Variants in AGBL1 observed in about 807,000 individuals in gnomAD.
AGBL1 encodes cytosolic carboxypeptidase 4.
AGBL1 carries 130 observed loss-of-function variants against 118.9 expected under a neutral mutation model. The observed-to-expected ratio is 1.09, with a 90% CI of 0.95 to 1.26. The LOEUF (loss-of-function observed/expected upper bound fraction) is 1.26, where lower values mean the gene tolerates loss of function less well. AGBL1 is among the 50% of genes most tolerant of loss of function. The pLI is 0.00. For synonymous variants in AGBL1, 555 were observed against 478.9 expected (o/e 1.16, Z -2.08); for missense variants, 1,584 against 1,298.1 (o/e 1.22, Z -3.38).
chr15:86,731,645 C>T (rs543144492), intron 22 of AGBL1, among the ~76,000 whole-genome samples: 1 of 152,154 alleles, frequency 6.6e-6, no homozygotes, highest in Non-Finnish European at 1.5e-5. Context: ...CAACAAGATA[C>T]AAAGATAGAG....
At chr15:86,549,070 T>C (rs2083628703) in intron 20 of AGBL1, among the ~76,000 whole-genome samples, 1 of 152,020 alleles carries the variant, frequency 6.6e-6, no homozygotes, top group Non-Finnish European at 1.5e-5. Flanking sequence ...GCAAAACCAT[T>C]CATGGGAAAT....
At chr15:86,736,442 A>G (rs186850386) in intron 22 of AGBL1, among the ~76,000 whole-genome samples, 24 of 152,230 alleles carry the variant, frequency 1.6e-4, no homozygotes, top group Admixed American at 4.6e-4. Flanking sequence ...GCACTTCTAT[A>G]TAGCATCTCC....
At chr15:87,025,631 C>A (rs184398527) in intron 24 of AGBL1, among the ~76,000 whole-genome samples, 109 of 151,998 alleles carry the variant, frequency 7.2e-4, no homozygotes, top group African/African-American at 2.5e-3. Context: ...TCATTCTTCA[C>A]ACAATTAGAA....
chr15:86,208,771 C>T (rs947563137), intron 5 of AGBL1, among the ~76,000 whole-genome samples: 1 of 152,174 alleles, frequency 6.6e-6, no homozygotes, highest in Non-Finnish European at 1.5e-5. Context: ...AAAAAAACAG[C>T]TCCTGGATTC....
At chr15:86,356,359 C>CGT (rs1266733085) in intron 17 of AGBL1, among the ~76,000 whole-genome samples, 1 of 123,616 alleles carries the variant, frequency 8.1e-6, no homozygotes, top group Non-Finnish European at 1.8e-5. Flanking sequence ...TGTGTGTGCG[C>CGT]GTGCGCCCGC....
At chr15:86,805,157 C>A (rs1254596390) in intron 22 of AGBL1, among the ~76,000 whole-genome samples, 2 of 151,772 alleles carry the variant, frequency 1.3e-5, no homozygotes, top group Non-Finnish European at 2.9e-5. Context: ...TATATCAATC[C>A]ATTATTTTTT....
intron 9 of AGBL1, among the ~76,000 whole-genome samples, chr15:86,262,401 C>G (rs1567163292): frequency 1.3e-5 from 2 of 152,048 alleles, no homozygotes; most frequent in Non-Finnish European, 2.9e-5. Flanking sequence ...AAAAGACTGA[C>G]AAACCTAAAT....
At chr15:86,804,549 C>A (rs1218566089) in intron 22 of AGBL1, among the ~76,000 whole-genome samples, 1 of 152,084 alleles carries the variant, frequency 6.6e-6, no homozygotes, top group African/African-American at 2.4e-5. Context: ...TGGAAGGAAG[C>A]GAAGCCAAAT....
chr15:86,937,741 C>A (rs1225302029), intron 23 of AGBL1, among the ~76,000 whole-genome samples: 1 of 152,132 alleles, frequency 6.6e-6, no homozygotes, highest in Non-Finnish European at 1.5e-5. Flanking sequence ...GTACAACAAA[C>A]CCCCATGACA....
At chr15:86,382,548 A>G (rs978957842) in intron 17 of AGBL1, among the ~76,000 whole-genome samples, 4 of 152,110 alleles carry the variant, frequency 2.6e-5, no homozygotes, top group African/African-American at 9.7e-5. Context: ...TAAACGTAAA[A>G]GGCCGGTTGC....
intron 5 of AGBL1, among the ~76,000 whole-genome samples, chr15:86,219,433 A>G (rs2078243175): frequency 1.3e-5 from 2 of 152,188 alleles, no homozygotes; most frequent in African/African-American, 4.8e-5. Flanking sequence ...TCTTCACACC[A>G]TCCCATCAGT....
intron 17 of AGBL1, among the ~76,000 whole-genome samples, chr15:86,386,768 G>A (rs1467206267): frequency 5.3e-5 from 8 of 152,242 alleles, no homozygotes; most frequent in Admixed American, 5.2e-4. Context: ...CTTACATGAT[G>A]TTATTGTCTC....
chr15:86,279,541 A>C (rs983831311), intron 15 of AGBL1, 98 bp from the exon 16 acceptor site: 1 of 1,200,314 alleles, frequency 8.3e-7, no homozygotes, highest in African/African-American at 1.5e-5. Context: ...AGGACAGTAT[A>C]TAACGCACAA....
Position 86,378,838 on chromosome 15 carries a change from C to T in AGBL1, c.2375-18528C>T, listed in dbSNP as rs149287421. Among the ~76,000 whole-genome samples, 233 of 152,054 alleles carry T rather than the reference C, an allele frequency of 1.5e-3. 1 individual carries two copies. Among genetic ancestry groups the T allele is most frequent in the African/African-American group, 5.2e-3 (215 of 41,474 alleles). ...CCCAGGTTGGAGGAGTTCACCTGGA[C>T]GCTTGCTTTCAGTGCTAAAACTTGG... On this transcript the variant is annotated intron_variant, in intron 17 of 22. Coordinates refer to ENST00000614907, the MANE Select transcript of AGBL1 (RefSeq NM_001386094.1).
Position 86,256,992 on chromosome 15 carries a change from C to G in AGBL1, c.875C>G (p.Thr292Ser). 6.2e-7 allele frequency: 1 copy of G among 1,613,948 alleles called. No individual in the cohort carries two copies. Among genetic ancestry groups the G allele is most frequent in the Admixed American group, 1.7e-5 (1 of 60,004 alleles). ...TTCCCGGTCCCCGGGTGCATCACCACTGAACCTCCACATGATCTACCTGAA... is the reference window on the plus strand; with the variant it reads ...TTCCCGGTCCCCGGGTGCATCACCAGTGAACCTCCACATGATCTACCTGAA... Reference protein sequence around the residue: ...YAFPVPGCITTEPPHDLPEED... With the variant: ...YAFPVPGCITSEPPHDLPEED... The change falls in exon 8 of 23, where the codon ACT becomes AGT. Residue 292 changes from threonine to serine, a missense_variant. Thr to Ser is a moderately conservative substitution (Grantham distance 58). Coordinates refer to ENST00000614907, the MANE Select transcript of AGBL1 (RefSeq NM_001386094.1).
At chr15:86,788,566 C>A (rs1163939463) in intron 22 of AGBL1, among the ~76,000 whole-genome samples, 1 of 152,104 alleles carries the variant, frequency 6.6e-6, no homozygotes, top group Non-Finnish European at 1.5e-5. Context: ...ACAAGAGAAG[C>A]AAGACCTCCT....
At chr15:86,535,772 C>T (rs2083417468) in intron 19 of AGBL1, among the ~76,000 whole-genome samples, 1 of 152,116 alleles carries the variant, frequency 6.6e-6, no homozygotes, top group African/African-American at 2.4e-5. Flanking sequence ...TTAAAAGAAG[C>T]ACAAAAGGAG....
intron 5 of AGBL1, among the ~76,000 whole-genome samples, chr15:86,165,983 A>T (rs1012259086): frequency 3.9e-5 from 6 of 152,114 alleles, no homozygotes; most frequent in Non-Finnish European, 8.8e-5. Flanking sequence ...TCATCTTCTT[A>T]AGAAGCCACT....
chr15:86,566,551 AG>A (rs1476644272), intron 21 of AGBL1, among the ~76,000 whole-genome samples: 1 of 152,052 alleles, frequency 6.6e-6, no homozygotes, highest in Non-Finnish European at 1.5e-5. Flanking sequence ...GGAACCTCCT[AG>A]GTTGCTTCCT....
Sources: gnomAD v4.1 joint callset for allele counts (sites outside exome capture counted in the v4.1 genomes callset) on GRCh38, gnomAD v4.1.1 for gene constraint, MANE v1.5 for transcripts, NCBI Gene and HGNC (gene_info 2026-07-23, HGNC 2026-07-21) for gene names.